The following WNT3 variants were observed in gnomAD, a reference collection of about 807,000 sequenced individuals.
The protein encoded by WNT3 is Wnt family member 3.
A neutral mutation model predicts 34.2 loss-of-function variants in WNT3; 7 were observed. The ratio of observed to expected loss-of-function variants is 0.20; its 90% confidence interval spans 0.12 to 0.38. The LOEUF (loss-of-function observed/expected upper bound fraction) is 0.38, where lower values mean the gene tolerates loss of function less well. Among genes scored for constraint, WNT3 ranks in the 10% least tolerant of loss-of-function variants. The pLI is 1.00. For missense variants in WNT3, 267 were observed against 499.8 expected (o/e 0.53, Z 4.44); for synonymous variants, 212 against 211.5 (o/e 1.00, Z -0.02).
chr17:46,815,463 G>A (rs144989910), intron 1 of WNT3, among the ~76,000 whole-genome samples: 278 of 152,250 alleles, frequency 1.8e-3, no homozygotes, highest in African/African-American at 6.3e-3. Flanking sequence ...AATCCTTCCT[G>A]GGGAATGCAT....
At chr17:46,778,926 T>C (rs2059433995) in intron 1 of WNT3, among the ~76,000 whole-genome samples, 1 of 152,060 alleles carries the variant, frequency 6.6e-6, no homozygotes, top group African/African-American at 2.4e-5. Flanking sequence ...TGTACCTAAT[T>C]CAAACCTTCT....
chr17:46,768,200 T>G lies in WNT3; in HGVS notation c.*8+112A>C. 1 of 1,481,792 alleles carries G rather than the reference T, an allele frequency of 6.7e-7. No individual in the cohort carries two copies. Among genetic ancestry groups the G allele is most frequent in the Non-Finnish European group, 9.1e-7 (1 of 1,094,052 alleles). The allele number at this position is 1,481,792 out of a possible 1,614,324, so 91.8% of individuals were successfully genotyped here. A position where few individuals can be genotyped will look rare whatever the true frequency, so the allele number is the denominator to read the frequency against. ...CCTATTTTGGCTGTGGGAACTTGTG[T>G]GTCTTGGATAGCTTAGAAACAGAAG... is the stretch of plus-strand genomic sequence containing the variant. On this transcript the variant is annotated intron_variant, in intron 4 of 4. Coordinates refer to ENST00000225512, the MANE Select transcript of WNT3 (RefSeq NM_030753.5). This position sits in a 1 kb window ranked among gnomAD's most constrained non-coding sequence, Gnocchi z 5.0.
intron 1 of WNT3, among the ~76,000 whole-genome samples, chr17:46,779,502 G>T (rs1408877498): frequency 6.6e-6 from 1 of 152,166 alleles, no homozygotes; most frequent in Non-Finnish European, 1.5e-5. Context: ...ACCACCCACT[G>T]CCCAGCTGGG....
rs141891092 is a variant in WNT3, at chr17:46,768,067, C to T, written c.*8+245G>A. Among the ~76,000 whole-genome samples the T allele has an allele frequency of 3.9e-5, 6 of 152,310 alleles. No individual in the cohort carries two copies. The highest frequency in any genetic ancestry group is 2.6e-4 in the Admixed American group (4 of 15,300). ...CCTCCCAAAGTGCTGGGATTACAGG[C>T]GTGAGCCACCGCACCCGGCCAACAC... On this transcript the variant is annotated intron_variant, in intron 4 of 4. Coordinates refer to ENST00000225512, the MANE Select transcript of WNT3 (RefSeq NM_030753.5). This position sits in a 1 kb window ranked among gnomAD's most constrained non-coding sequence, Gnocchi z 5.0.
intron 1 of WNT3, among the ~76,000 whole-genome samples, chr17:46,778,557 G>C (rs1434819369): frequency 6.6e-6 from 1 of 151,990 alleles, no homozygotes; most frequent in Non-Finnish European, 1.5e-5. Context: ...CCCGCACACT[G>C]CTGAAATTCC....
chr17:46,788,317 A>G (rs573512041), intron 1 of WNT3, among the ~76,000 whole-genome samples: 21 of 152,308 alleles, frequency 1.4e-4, no homozygotes, highest in African/African-American at 2.6e-4. Flanking sequence ...CCAAACCCTA[A>G]GTCAGTCTCC....
In WNT3 at chr17:46,763,396, T is replaced by G. The variant is rs1252318680; in HGVS notation, c.*1234A>C. 1 of 152,154 alleles carries G rather than the reference T, an allele frequency of 6.6e-6. No homozygotes were observed. Among genetic ancestry groups the G allele is most frequent in the Middle Eastern group, 3.2e-3 (1 of 316 alleles). The allele number at this position is 152,154 out of a possible 1,614,324, so 9.4% of individuals were successfully genotyped here. A position where few individuals can be genotyped will look rare whatever the true frequency, so the allele number is the denominator to read the frequency against. ...GTGACTGCTGGTTCCCCTTTGAACTTCTAATCCAGATCCTTGGGAACTGCA... is the reference window on the plus strand; with the variant it reads ...GTGACTGCTGGTTCCCCTTTGAACTGCTAATCCAGATCCTTGGGAACTGCA... On this transcript the variant is annotated 3_prime_UTR_variant, in exon 5 of 5. Coordinates refer to ENST00000225512, the MANE Select transcript of WNT3 (RefSeq NM_030753.5).
rs1212095483 is a variant in WNT3 at position 46,799,529 on chromosome 17, C to A, written c.80+18989G>T. Among the ~76,000 whole-genome samples, 3 of 151,182 alleles carry A rather than the reference C, an allele frequency of 2.0e-5. No homozygotes were observed. The East Asian group carries it at 5.8e-4, about 29-fold the overall frequency. On this transcript the variant is annotated intron_variant, in intron 1 of 4. Transcript: ENST00000225512. ...GTGGTGTCATCTCAGCTAACTGCAA[C>A]CTCCGCCTCCCAGGTTCAAGCGATT...
At position 46,768,683 on chromosome 17, in the gene WNT3, C is replaced by G. The variant is rs1408840375; in HGVS notation, c.705G>C (p.Lys235Asn). 5 of 1,614,200 alleles carry G rather than the reference C, an allele frequency of 3.1e-6. No individual in the cohort carries two copies. The highest frequency in any genetic ancestry group is 4.2e-6 in the Non-Finnish European group (5 of 1,180,050). The change falls in exon 4 of 5, where the codon AAG becomes AAC. Residue 235 changes from lysine to asparagine, a missense_variant. Physicochemically the swap from Lys to Asn is moderately conservative, Grantham distance 94 (BLOSUM62 0). Coordinates refer to ENST00000225512, the MANE Select transcript of WNT3 (RefSeq NM_030753.5). The surrounding 1 kb of genome is among the most constrained non-coding windows in gnomAD (Gnocchi z 5.0). Reference protein sequence around the residue: ...PDFRAIGDFLKDKYDSASEMV... With the variant: ...PDFRAIGDFLNDKYDSASEMV... ...TCTCCGAGGCGCTGTCATACTTGTC[C>G]TTGAGGAAGTCACCGATGGCACGGA...
chr17:46,816,366 A>G (rs2084346893), intron 1 of WNT3, among the ~76,000 whole-genome samples: 1 of 152,056 alleles, frequency 6.6e-6, no homozygotes, highest in Admixed American at 6.5e-5. Flanking sequence ...CAACACGCCC[A>G]CACGATTTCA....
At chr17:46,816,447 C>G (rs1452191947) in intron 1 of WNT3, among the ~76,000 whole-genome samples, 1 of 144,614 alleles carries the variant, frequency 6.9e-6, no homozygotes, top group Non-Finnish European at 1.5e-5. Context: ...TAGAAAACAC[C>G]TCTTAGGGTC....
At chr17:46,770,313 C>G (rs2059352350) in intron 2 of WNT3, among the ~76,000 whole-genome samples, 1 of 152,254 alleles carries the variant, frequency 6.6e-6, no homozygotes, top group African/African-American at 2.4e-5. Flanking sequence ...CAAAGCAGTG[C>G]CTGTTAGAAA....
chr17:46,795,916 G>A (rs754184652), intron 1 of WNT3, among the ~76,000 whole-genome samples: 4 of 152,064 alleles, frequency 2.6e-5, no homozygotes, highest in African/African-American at 9.7e-5. Context: ...ACACACACGT[G>A]TGCACACATG....
At chr17:46,771,506 G>A (rs890947889) in intron 2 of WNT3, among the ~76,000 whole-genome samples, 2 of 149,362 alleles carry the variant, frequency 1.3e-5, no homozygotes, top group Non-Finnish European at 3.0e-5. Flanking sequence ...GGGCGGCGGG[G>A]GCGGGGCGGG....
intron 1 of WNT3, among the ~76,000 whole-genome samples, chr17:46,809,989 CTCT>C (rs2084250472): frequency 6.6e-6 from 1 of 151,012 alleles, no homozygotes; most frequent in Admixed American, 6.6e-5. Context: ...TATTCCTCTC[CTCT>C]TTTCTTTCTT....
chr17:46,792,496 C>T (rs1458002572), intron 1 of WNT3, among the ~76,000 whole-genome samples: 1 of 152,126 alleles, frequency 6.6e-6, no homozygotes, highest in African/African-American at 2.4e-5. Context: ...TTTTTTGAGA[C>T]AGAGTCTTGC....
chr17:46,808,861 A>AC (rs1367880970), intron 1 of WNT3, among the ~76,000 whole-genome samples: 1 of 151,886 alleles, frequency 6.6e-6, no homozygotes, highest in African/African-American at 2.4e-5. Context: ...GCTCATCTCC[A>AC]CTCCTGGGAC....
At chr17:46,789,169 G>A (rs974512464) in intron 1 of WNT3, among the ~76,000 whole-genome samples, 1 of 152,162 alleles carries the variant, frequency 6.6e-6, no homozygotes, top group African/African-American at 2.4e-5. Flanking sequence ...GAGCTGCCCT[G>A]AGGAAGCCCA....
intron 1 of WNT3, among the ~76,000 whole-genome samples, chr17:46,811,532 C>T (rs1013346025): frequency 5.9e-5 from 9 of 152,172 alleles, no homozygotes; most frequent in Non-Finnish European, 1.3e-4. Flanking sequence ...AGCGCAGGAC[C>T]TTCTCTCCAG....
Sources: gnomAD v4.1 joint callset for allele counts (sites outside exome capture counted in the v4.1 genomes callset) on GRCh38, gnomAD v4.1.1 for gene constraint, Gnocchi (gnomAD v3.1) non-coding constraint, MANE v1.5 for transcripts, NCBI Gene and HGNC (gene_info 2026-07-23, HGNC 2026-07-21) for gene names.